SLC9A9: variants seen among roughly 807,000 people sequenced by gnomAD.
SLC9A9 encodes the protein sodium/hydrogen exchanger 9.
SLC9A9 carries 62 observed loss-of-function variants against 77.8 expected under a neutral mutation model. The ratio of observed to expected loss-of-function variants is 0.80; its 90% CI spans 0.65 to 0.98. SLC9A9 has a LOEUF of 0.98. Ranked by LOEUF, SLC9A9 falls within the 50% of genes least tolerant of loss-of-function variation. The pLI is 0.00. For missense variants in SLC9A9, 775 were observed against 774.9 expected, an observed-to-expected ratio of 1.00 and a Z score of 0.00; for synonymous variants, 320 against 283.5, an observed-to-expected ratio of 1.13 and a Z score of -1.29.
chr3:143,716,948 AG>A (rs1934369082), intron 4 of SLC9A9, among the ~76,000 whole-genome samples: 2 of 152,160 alleles, frequency 1.3e-5, no homozygotes, highest in Non-Finnish European at 2.9e-5. Context: ...GGATGGGCAA[AG>A]GAGGAAGGGC....
chr3:143,416,605 G>T (rs2034195113), intron 12 of SLC9A9, among the ~76,000 whole-genome samples: 1 of 152,020 alleles, frequency 6.6e-6, no homozygotes, highest in Non-Finnish European at 1.5e-5. Flanking sequence ...TAGACATACT[G>T]CTATTGCATA....
chr3:143,532,225 A>G (rs1361703583), intron 9 of SLC9A9, among the ~76,000 whole-genome samples: 1 of 152,152 alleles, frequency 6.6e-6, no homozygotes, highest in African/African-American at 2.4e-5. Context: ...GGACAGGGAG[A>G]GCCCTGATTT....
chr3:143,322,597 A>T (rs2108447155), intron 14 of SLC9A9, among the ~76,000 whole-genome samples: 1 of 148,952 alleles, frequency 6.7e-6, no homozygotes, highest in South Asian at 2.1e-4. Flanking sequence ...GACTAATACA[A>T]CCAGGGGAAG....
chr3:143,426,504 G>A (rs2034410964), intron 12 of SLC9A9, among the ~76,000 whole-genome samples: 1 of 152,178 alleles, frequency 6.6e-6, no homozygotes, highest in African/African-American at 2.4e-5. Flanking sequence ...TCTGGAAAAT[G>A]TAGTAGCAAT....
chr3:143,417,369 G>A (rs1231833820), intron 12 of SLC9A9, among the ~76,000 whole-genome samples: 3 of 151,906 alleles, frequency 2.0e-5, no homozygotes, highest in Non-Finnish European at 4.4e-5. Context: ...TTTTGGGATA[G>A]AACTTTTAGG....
chr3:143,285,944 G>A (rs1242628514), intron 14 of SLC9A9, among the ~76,000 whole-genome samples: 1 of 152,148 alleles, frequency 6.6e-6, no homozygotes, highest in East Asian at 1.9e-4. Flanking sequence ...CATGAGCCGG[G>A]TGTTTTGAGC....
At chr3:143,626,535 A>T (rs1289122985) in intron 6 of SLC9A9, among the ~76,000 whole-genome samples, 1 of 149,752 alleles carries the variant, frequency 6.7e-6, no homozygotes, top group African/African-American at 2.4e-5. Flanking sequence ...CAAACACCGC[A>T]TGTTCTCACT....
chr3:143,724,193 C>T (rs1576683207), intron 4 of SLC9A9, among the ~76,000 whole-genome samples: 1 of 152,182 alleles, frequency 6.6e-6, no homozygotes, highest in South Asian at 2.1e-4. Context: ...ATGCTGTTCT[C>T]ATGATAGTGA....
chr3:143,641,037 C>A (rs202026127), intron 6 of SLC9A9, among the ~76,000 whole-genome samples: 2 of 152,062 alleles, frequency 1.3e-5, no homozygotes, highest in East Asian at 3.9e-4. Context: ...CTGGAGAGAA[C>A]TGAACAGGTG....
intron 4 of SLC9A9, among the ~76,000 whole-genome samples, chr3:143,787,622 G>A (rs1243845527): frequency 2.0e-5 from 3 of 152,038 alleles, no homozygotes; most frequent in Non-Finnish European, 4.4e-5. Flanking sequence ...CATCATAGAT[G>A]ACTTTATTTC....
At chr3:143,817,456 A>G (rs576393685) in intron 2 of SLC9A9, among the ~76,000 whole-genome samples, 103 of 152,232 alleles carry the variant, frequency 6.8e-4, no homozygotes, top group African/African-American at 2.4e-3. Context: ...CCAAAAGTTT[A>G]TTTTATTGTA....
At chr3:143,470,116 G>A (rs838624) in intron 11 of SLC9A9, among the ~76,000 whole-genome samples, 22 of 151,950 alleles carry the variant, frequency 1.4e-4, no homozygotes, top group Non-Finnish European at 2.6e-4. Flanking sequence ...TCTGAGGAGA[G>A]AATTTATAGG....
At chr3:143,351,519 G>A (rs1282708202) in intron 14 of SLC9A9, among the ~76,000 whole-genome samples, 3 of 152,158 alleles carry the variant, frequency 2.0e-5, no homozygotes, top group African/African-American at 7.2e-5. Flanking sequence ...TTTGTTGGAA[G>A]GTCAAGGAGA....
chr3:143,396,653 A>C (rs1453241755), intron 12 of SLC9A9, among the ~76,000 whole-genome samples: 2 of 152,182 alleles, frequency 1.3e-5, no homozygotes, highest in African/African-American at 4.8e-5. Context: ...AATGCTTAGA[A>C]GAAGTAGCTG....
rs1294131856 is a variant in SLC9A9, at chr3:143,848,162, C to T, written c.161G>A (p.Gly54Glu). Reference sequence around the variant, plus strand: ...TATGCACTCACCATACACCATTGCTCCTCCAGTTTCATGCAAGAAGCGGAA... The same window carrying T: ...TATGCACTCACCATACACCATTGCTTCTCCAGTTTCATGCAAGAAGCGGAA... ...HRFRFLHETG[G>E]AMVYGLIMGL... Residue 54 changes from glycine to glutamate, a missense_variant, in exon 1 of 16, where the codon GGA (glycine) becomes GAA (glutamate). Gly to Glu is a moderately conservative substitution (Grantham distance 98). Transcript: ENST00000316549. 1 of 1,613,842 alleles carries T rather than the reference C, an allele frequency of 6.2e-7. No homozygotes were observed. The highest frequency in any genetic ancestry group is 1.1e-5 in the South Asian group (1 of 91,082).
At chr3:143,751,357 T>C (rs1401626209) in intron 4 of SLC9A9, among the ~76,000 whole-genome samples, 1 of 152,138 alleles carries the variant, frequency 6.6e-6, no homozygotes, top group Non-Finnish European at 1.5e-5. Flanking sequence ...TAGAATTTAT[T>C]CCCCCCACTG....
At chr3:143,453,824 G>C (rs566708476) in intron 12 of SLC9A9, among the ~76,000 whole-genome samples, 50 of 152,076 alleles carry the variant, frequency 3.3e-4, no homozygotes, top group Non-Finnish European at 6.2e-4. Context: ...AATGTTTTTT[G>C]TCCCCTCCAA....
In SLC9A9 at chr3:143,848,303, A is replaced by ATTT; in HGVS notation, c.19_20insAAA (p.Val7delinsGluIle). ...CTGATACTCATCCTTTTCTGACATA[A>ATTT]CCCTTGACTGTCTCTCCATTCCCCA... On this transcript the variant is annotated protein_altering_variant, in exon 1 of 16. Transcript: ENST00000316549. The ATTT allele has an allele frequency of 6.2e-7, 1 of 1,613,902 alleles. No individual in the cohort carries two copies. Among genetic ancestry groups the ATTT allele is most frequent in the Non-Finnish European group, 8.5e-7 (1 of 1,179,864 alleles).
intron 6 of SLC9A9, among the ~76,000 whole-genome samples, chr3:143,634,541 C>G (rs966305659): frequency 2.6e-5 from 4 of 152,092 alleles, no homozygotes; most frequent in African/African-American, 9.7e-5. Context: ...GTATTGCCAG[C>G]ACACTTTTAA....
Sources: gnomAD v4.1 joint callset for allele counts (sites outside exome capture counted in the v4.1 genomes callset) on GRCh38, gnomAD v4.1.1 for gene constraint, MANE v1.5 for transcripts, NCBI Gene and HGNC (gene_info 2026-07-23, HGNC 2026-07-21) for gene names.